FAR2: variants seen among roughly 807,000 people sequenced by gnomAD.
The protein encoded by FAR2 is epididymis secretory protein Li 81.
A neutral mutation model predicts 56.0 loss-of-function variants in FAR2; 19 were observed. The ratio of observed to expected loss-of-function variants is 0.34; its 90% CI spans 0.24 to 0.50. FAR2 has a LOEUF of 0.50. FAR2 is among the 20% of genes least tolerant of loss of function. FAR2 has a pLI of 0.98. For missense variants in FAR2, 508 were observed against 642.2 expected (o/e 0.79, Z 2.26); for synonymous variants, 219 against 218.8 (o/e 1.00, Z -0.01).
At chr12:29,203,311 G>A (rs7307049) in intron 1 of FAR2, among the ~76,000 whole-genome samples, 39,820 of 152,058 alleles carry the variant, frequency 0.26, 5,593 homozygotes, top group East Asian at 0.5. Context: ...CTACCACAGT[G>A]TAACTGCTTT....
At chr12:29,219,675 C>T (rs10771497) in intron 1 of FAR2, among the ~76,000 whole-genome samples, 92,638 of 151,840 alleles carry the variant, frequency 0.61, 28,433 homozygotes, top group Middle Eastern at 0.72. Context: ...TATTTAAATG[C>T]TTAAAAACTG....
At chr12:29,199,701 A>G (rs1420729347) in intron 1 of FAR2, among the ~76,000 whole-genome samples, 1 of 63,394 alleles carries the variant, frequency 1.6e-5, no homozygotes, top group Non-Finnish European at 5.3e-5. Context: ...CACATAAAAG[A>G]TGGCAGGCAG....
At chr12:29,149,882 C>T (rs1949667952) in intron 1 of FAR2, among the ~76,000 whole-genome samples, 1 of 152,150 alleles carries the variant, frequency 6.6e-6, no homozygotes. Flanking sequence ...GGTCCCCTCC[C>T]GGTGCCTGGG....
chr12:29,271,390 T>G (rs956386349), intron 2 of FAR2, among the ~76,000 whole-genome samples: 1 of 152,216 alleles, frequency 6.6e-6, no homozygotes, highest in African/African-American at 2.4e-5. Flanking sequence ...ATTTTCAAAC[T>G]TTCCAATGTT....
At chr12:29,261,413 A>G (rs1245214609) in intron 1 of FAR2, among the ~76,000 whole-genome samples, 2 of 152,210 alleles carry the variant, frequency 1.3e-5, no homozygotes, top group Non-Finnish European at 2.9e-5. Context: ...AGAAAAAAAG[A>G]ATGAAGCATG....
chr12:29,321,761 G>A (rs756263329), intron 9 of FAR2, 34 bp from the exon 10 acceptor site: 74 of 1,606,500 alleles, frequency 4.6e-5, no homozygotes, highest in Middle Eastern at 1.7e-4. Flanking sequence ...GAAGTGGTGC[G>A]CTGATATTTA....
chr12:29,217,996 G>C (rs1380313131), intron 1 of FAR2, among the ~76,000 whole-genome samples: 1 of 152,042 alleles, frequency 6.6e-6, no homozygotes, highest in African/African-American at 2.4e-5. Flanking sequence ...AGGAGGAGGA[G>C]GAGGAGGAGG....
intron 9 of FAR2, among the ~76,000 whole-genome samples, chr12:29,317,536 A>G (rs1305049632): frequency 2.6e-5 from 4 of 152,242 alleles, no homozygotes; most frequent in Admixed American, 2.0e-4. Context: ...AGAAGCCACA[A>G]AAGACATTAA....
chr12:29,198,687 T>G (rs113054410), intron 1 of FAR2, among the ~76,000 whole-genome samples: 7 of 152,256 alleles, frequency 4.6e-5, no homozygotes, highest in African/African-American at 1.7e-4. Context: ...AAATTTTAGA[T>G]CTCTGTGAAA....
chr12:29,262,801 T>A (rs370310714), intron 1 of FAR2, among the ~76,000 whole-genome samples: 1 of 152,114 alleles, frequency 6.6e-6, no homozygotes, highest in Non-Finnish European at 1.5e-5. Context: ...TACTTATCAA[T>A]AATAACATTG....
intron 4 of FAR2, among the ~76,000 whole-genome samples, chr12:29,306,998 A>C (rs1949262122): frequency 6.6e-6 from 1 of 152,188 alleles, no homozygotes; most frequent in African/African-American, 2.4e-5. Flanking sequence ...CTTTGATTTG[A>C]TTTGCATTGA....
intron 1 of FAR2, among the ~76,000 whole-genome samples, chr12:29,235,398 T>A (rs1019198928): frequency 6.6e-6 from 1 of 152,180 alleles, no homozygotes; most frequent in Non-Finnish European, 1.5e-5. Flanking sequence ...TTTTAGCAGC[T>A]TTGTGTGTGG....
At chr12:29,257,075 G>A (rs189010266) in intron 1 of FAR2, among the ~76,000 whole-genome samples, 14 of 152,374 alleles carry the variant, frequency 9.2e-5, no homozygotes, top group East Asian at 1.9e-4. Flanking sequence ...GACCGAGTGC[G>A]GGATCCACTG....
chr12:29,262,690 G>C (rs1948441762), intron 1 of FAR2, among the ~76,000 whole-genome samples: 2 of 151,974 alleles, frequency 1.3e-5, no homozygotes, highest in Admixed American at 6.6e-5. Context: ...CATACAACCA[G>C]AGAAAACCAC....
At chr12:29,257,838 G>A (rs146815058) in intron 1 of FAR2, among the ~76,000 whole-genome samples, 8,094 of 152,146 alleles carry the variant, frequency 0.053, 511 homozygotes, top group African/African-American at 0.15. Context: ...ACGAGGGTCC[G>A]GGGCTTCATT....
intron 8 of FAR2, 107 bp from the exon 9 acceptor site, chr12:29,316,734 C>G (rs780138913): frequency 7.8e-6 from 9 of 1,148,466 alleles, no homozygotes; most frequent in South Asian, 1.5e-5. Context: ...TGACTCTACA[C>G]AGCAAATCCT....
chr12:29,310,450 T>C (rs1949327905), intron 6 of FAR2, among the ~76,000 whole-genome samples: 1 of 152,110 alleles, frequency 6.6e-6, no homozygotes, highest in Non-Finnish European at 1.5e-5. Flanking sequence ...ATCTGTGAGG[T>C]GAACTAAGAT....
intron 1 of FAR2, among the ~76,000 whole-genome samples, chr12:29,220,144 G>A (rs1449120566): frequency 6.6e-6 from 1 of 152,114 alleles, no homozygotes; most frequent in Non-Finnish European, 1.5e-5. Context: ...TTGCTTTGAC[G>A]TTCAAGGTGA....
chr12:29,297,461 G>T (rs949536354), intron 4 of FAR2, among the ~76,000 whole-genome samples: 1 of 152,184 alleles, frequency 6.6e-6, no homozygotes, highest in African/African-American at 2.4e-5. Context: ...ACTATACATA[G>T]AAGTTGTTTC....
Sources: gnomAD v4.1 joint callset for allele counts (sites outside exome capture counted in the v4.1 genomes callset) on GRCh38, gnomAD v4.1.1 for gene constraint, MANE v1.5 for transcripts, NCBI Gene and HGNC (gene_info 2026-07-23, HGNC 2026-07-21) for gene names.